RALGAPA2: variants seen among roughly 807,000 people sequenced by gnomAD.
RALGAPA2 encodes ral GTPase-activating protein subunit alpha-2.
In RALGAPA2, 139 loss-of-function variants were observed where a neutral mutation model predicts 230.4. The observed-to-expected ratio is 0.60, with a 90% confidence interval of 0.53 to 0.69. The LOEUF (loss-of-function observed/expected upper bound fraction) is 0.69. Ranked by LOEUF, RALGAPA2 falls within the 30% of genes least tolerant of loss-of-function variation. The pLI is 0.00. For synonymous variants in RALGAPA2, 847 were observed against 837.8 expected, an observed-to-expected ratio of 1.01 and a Z score of -0.19; for missense variants, 2,163 against 2,276.0, an observed-to-expected ratio of 0.95 and a Z score of 1.01.
chr20:20,614,581 T>C (rs978538138), intron 13 of RALGAPA2, among the ~76,000 whole-genome samples: 3 of 152,182 alleles, frequency 2.0e-5, no homozygotes, highest in Non-Finnish European at 2.9e-5. Flanking sequence ...ACTTGGCAAA[T>C]AGTGCTAAGT....
rs181990746 is a variant in RALGAPA2, at chr20:20,657,927, T to C, written c.271-4340A>G. On this transcript the variant is annotated intron_variant, in intron 3 of 39. Coordinates refer to ENST00000202677, the MANE Select transcript of RALGAPA2 (RefSeq NM_020343.4). ...ATTTGGCAGTGAAAATCATGCTTTT[T>C]AGTTTTCCAAAATACATATTGGTCT... Among the ~76,000 whole-genome samples, 10 of 152,370 alleles carry C rather than the reference T, an allele frequency of 6.6e-5. 1 individual carries two copies. Among genetic ancestry groups the C allele is most frequent in the Admixed American group, 3.9e-4 (6 of 15,304 alleles).
intron 1 of RALGAPA2, 24 bp from the exon 2 acceptor site, chr20:20,680,825 A>G: frequency 3.2e-6 from 5 of 1,538,810 alleles, no homozygotes; most frequent in Non-Finnish European, 4.3e-6. Flanking sequence ...GTTTCCATTT[A>G]TGACAATTCA....
intron 38 of RALGAPA2, 145 bp downstream of exon 38, chr20:20,411,879 GTCA>G: frequency 1.9e-6 from 2 of 1,070,596 alleles, no homozygotes; most frequent in South Asian, 1.6e-5. Flanking sequence ...TAAAATGAAT[GTCA>G]TCATTCCTTT....
intron 16 of RALGAPA2, chr20:20,598,861 T>C (rs775522565): frequency 5.8e-5 from 25 of 428,574 alleles, no homozygotes; most frequent in South Asian, 1.2e-4. Flanking sequence ...AGAAGAACAA[T>C]AGGACCTTTC....
intron 38 of RALGAPA2, among the ~76,000 whole-genome samples, chr20:20,403,770 G>A (rs572090755): frequency 6.6e-6 from 1 of 152,338 alleles, no homozygotes; most frequent in South Asian, 2.1e-4. Flanking sequence ...GATGCACGCT[G>A]ACTGCAGAGT....
intron 20 of RALGAPA2, among the ~76,000 whole-genome samples, chr20:20,582,622 C>T (rs184180157): frequency 1.3e-5 from 2 of 152,148 alleles, no homozygotes; most frequent in African/African-American, 4.8e-5. Context: ...TGAGAAGGAC[C>T]TCTAGGAGAC....
chr20:20,411,118 G>A (rs1056939285), intron 38 of RALGAPA2, among the ~76,000 whole-genome samples: 5 of 152,146 alleles, frequency 3.3e-5, no homozygotes, highest in Non-Finnish European at 7.3e-5. Context: ...AGTGTTCAGA[G>A]ACAATTGACA....
rs1282460457 is a variant in RALGAPA2 at position 20,420,164 on chromosome 20, G to A, written c.5496-8016C>T. On this transcript the variant is annotated intron_variant, in intron 37 of 39. Transcript: ENST00000202677. Reference sequence around the variant, plus strand: ...GGAAGGAAGTTGGGATACTTCAGGAGGAGAAAGGAGACTGGAGTCATGGGG... The same window carrying A: ...GGAAGGAAGTTGGGATACTTCAGGAAGAGAAAGGAGACTGGAGTCATGGGG... Among the ~76,000 whole-genome samples the A allele has an allele frequency of 2.6e-5, 4 of 152,216 alleles. No homozygotes were observed. In the East Asian group the frequency reaches 5.8e-4, roughly 22 times the overall value.
intron 30 of RALGAPA2, 87 bp from the exon 31 acceptor site, chr20:20,521,187 C>A (rs55790313): frequency 1.8e-6 from 2 of 1,132,446 alleles, no homozygotes; most frequent in Non-Finnish European, 2.5e-6. Flanking sequence ...CACTTGGCAG[C>A]TAGGACTCCT....
chr20:20,546,222 G>A (rs1602731995), intron 24 of RALGAPA2, among the ~76,000 whole-genome samples: 3 of 151,954 alleles, frequency 2.0e-5, no homozygotes, highest in African/African-American at 7.3e-5. Context: ...AAAGTATTCT[G>A]GCATGTTATT....
At chr20:20,560,252 C>A (rs2064217340) in intron 23 of RALGAPA2, among the ~76,000 whole-genome samples, 1 of 152,222 alleles carries the variant, frequency 6.6e-6, no homozygotes, top group Non-Finnish European at 1.5e-5. Flanking sequence ...TTCAACTAGA[C>A]TCCAGCACAC....
chr20:20,595,604 T>A (rs2065428107), intron 16 of RALGAPA2, among the ~76,000 whole-genome samples: 1 of 152,130 alleles, frequency 6.6e-6, no homozygotes, highest in Admixed American at 6.5e-5. Flanking sequence ...AAAAATAAAA[T>A]CTACTATCTG....
intron 37 of RALGAPA2, among the ~76,000 whole-genome samples, chr20:20,432,660 T>G (rs2060525032): frequency 6.6e-6 from 1 of 152,092 alleles, no homozygotes; most frequent in Admixed American, 6.5e-5. Context: ...TCGGAAACAC[T>G]GGAAAATACA....
At chr20:20,612,926 T>A (rs566285642) in intron 13 of RALGAPA2, among the ~76,000 whole-genome samples, 6 of 152,286 alleles carry the variant, frequency 3.9e-5, no homozygotes, top group African/African-American at 1.4e-4. Context: ...AGATCCATCA[T>A]GAGAATGTGA....
At chr20:20,441,517 C>G (rs117538736) in intron 37 of RALGAPA2, among the ~76,000 whole-genome samples, 127 of 152,328 alleles carry the variant, frequency 8.3e-4, no homozygotes, top group Non-Finnish European at 1.4e-3. Flanking sequence ...GCAGCAGAAG[C>G]AAGCTCCCTC....
At chr20:20,619,158 T>G in intron 12 of RALGAPA2, 119 bp downstream of exon 12, 2 of 1,047,304 alleles carry the variant, frequency 1.9e-6, no homozygotes, top group Non-Finnish European at 2.5e-6. Context: ...TATCGTTTAC[T>G]GACAGATGGC....
chr20:20,439,658 C>A (rs1373020162), intron 37 of RALGAPA2, among the ~76,000 whole-genome samples: 1 of 152,188 alleles, frequency 6.6e-6, no homozygotes, highest in Non-Finnish European at 1.5e-5. Flanking sequence ...TGAAAAGCCG[C>A]AGGCAACAGT....
At chr20:20,500,371 T>G (rs1379520688) in intron 35 of RALGAPA2, among the ~76,000 whole-genome samples, 2 of 152,234 alleles carry the variant, frequency 1.3e-5, no homozygotes, top group Non-Finnish European at 2.9e-5. Context: ...ATTAAATTTA[T>G]GGAATATTCT....
intron 1 of RALGAPA2, among the ~76,000 whole-genome samples, chr20:20,696,799 T>C (rs1010878422): frequency 6.6e-5 from 10 of 152,212 alleles, no homozygotes; most frequent in Admixed American, 2.0e-4. Context: ...CAGAGAGGCC[T>C]TCCCTCACCC....
Sources: gnomAD v4.1 joint callset for allele counts (sites outside exome capture counted in the v4.1 genomes callset) on GRCh38, gnomAD v4.1.1 for gene constraint, MANE v1.5 for transcripts, NCBI Gene and HGNC (gene_info 2026-07-23, HGNC 2026-07-21) for gene names.